RIMS1: variants seen among roughly 807,000 people sequenced by gnomAD.
RIMS1 encodes regulating synaptic membrane exocytosis protein 1.
A neutral mutation model predicts 214.1 loss-of-function variants in RIMS1; 83 were observed. The ratio of observed to expected loss-of-function variants is 0.39; its 90% CI spans 0.32 to 0.47. The LOEUF (loss-of-function observed/expected upper bound fraction) is 0.47. Among genes scored for constraint, RIMS1 ranks in the 20% least tolerant of loss-of-function variants. The pLI, the probability that RIMS1 is intolerant of heterozygous loss-of-function variation, is 0.99. For synonymous variants in RIMS1, 793 were observed against 786.8 expected (o/e 1.01, Z -0.13); for missense variants, 2,050 against 2,161.8 (o/e 0.95, Z 1.03).
chr6:71,952,121 T>C (rs1317935017), intron 1 of RIMS1, among the ~76,000 whole-genome samples: 1 of 152,140 alleles, frequency 6.6e-6, no homozygotes, highest in Non-Finnish European at 1.5e-5. Context: ...TATGTACTCT[T>C]AGGTGGAGTT....
At chr6:72,131,819 G>A (rs1049403986) in intron 4 of RIMS1, among the ~76,000 whole-genome samples, 3 of 152,122 alleles carry the variant, frequency 2.0e-5, no homozygotes, top group African/African-American at 7.2e-5. Context: ...CTACAGTCTC[G>A]ACCATAAAAG....
rs189612125 is a variant in RIMS1 at position 71,953,131 on chromosome 6, G to A, written c.165-15852G>A. Among the ~76,000 whole-genome samples the A allele has an allele frequency of 6.2e-4, 94 of 151,944 alleles. No homozygotes were observed. The South Asian group carries it at 0.01, about 16-fold the overall frequency. On this transcript the variant is annotated intron_variant, in intron 1 of 33. Coordinates refer to ENST00000521978, the MANE Select transcript of RIMS1 (RefSeq NM_014989.7). ...CCTCCCAAGGAGCTGGAATTAACAG[G>A]TGCACACCACCACACCCAGCTAATG...
chr6:72,138,714 A>G, intron 4 of RIMS1, among the ~76,000 whole-genome samples: 1 of 152,336 alleles, frequency 6.6e-6, no homozygotes, highest in Admixed American at 6.5e-5. Flanking sequence ...ACAAAAAATG[A>G]AGAAATATAT....
chr6:71,990,873 G>A (rs1801391748), intron 2 of RIMS1, among the ~76,000 whole-genome samples: 1 of 151,988 alleles, frequency 6.6e-6, no homozygotes, highest in African/African-American at 2.4e-5. Flanking sequence ...TTTGATAGTG[G>A]TATTCTCAAA....
chr6:71,889,664 G>A (rs1047062480), intron 1 of RIMS1, among the ~76,000 whole-genome samples: 5 of 151,830 alleles, frequency 3.3e-5, no homozygotes, highest in South Asian at 2.1e-4. Context: ...TTTTTATAGG[G>A]GACACTTTAT....
At chr6:72,163,557 T>C (rs915465402) in intron 4 of RIMS1, among the ~76,000 whole-genome samples, 4 of 140,650 alleles carry the variant, frequency 2.8e-5, no homozygotes, top group Non-Finnish European at 6.5e-5. Context: ...ATAAATGGGT[T>C]TTTGGTGTGG....
At chr6:72,306,511 A>G (rs2095184120) in intron 26 of RIMS1, among the ~76,000 whole-genome samples, 1 of 152,204 alleles carries the variant, frequency 6.6e-6, no homozygotes, top group African/African-American at 2.4e-5. Flanking sequence ...AGAACAATTC[A>G]TACTTTATCA....
chr6:72,222,444 G>A (rs2058774110), intron 6 of RIMS1, among the ~76,000 whole-genome samples: 1 of 152,058 alleles, frequency 6.6e-6, no homozygotes, highest in Non-Finnish European at 1.5e-5. Flanking sequence ...TATGCAAAGG[G>A]ATAAGAGTTA....
intron 6 of RIMS1, among the ~76,000 whole-genome samples, chr6:72,205,038 A>G (rs1424863949): frequency 1.3e-5 from 2 of 152,130 alleles, no homozygotes; most frequent in Non-Finnish European, 2.9e-5. Context: ...TTTCTTGTGT[A>G]ATTACAGAAA....
intron 29 of RIMS1, among the ~76,000 whole-genome samples, chr6:72,356,035 G>A (rs2097628539): frequency 6.6e-6 from 1 of 152,134 alleles, no homozygotes; most frequent in East Asian, 1.9e-4. Context: ...TAATCTGGAA[G>A]GTGATTCCAG....
At chr6:72,400,291 A>C (rs185908210) in intron 33 of RIMS1, among the ~76,000 whole-genome samples, 9 of 152,206 alleles carry the variant, frequency 5.9e-5, no homozygotes, top group African/African-American at 2.2e-4. Context: ...TCATTCCATC[A>C]GACTAAAATT....
At chr6:72,313,764 T>C in intron 28 of RIMS1, 92 bp downstream of exon 28, 1 of 1,307,912 alleles carries the variant, frequency 7.6e-7, no homozygotes, top group Non-Finnish European at 1.0e-6. Flanking sequence ...ATAATACAGT[T>C]TAGGTCACAG....
intron 1 of RIMS1, among the ~76,000 whole-genome samples, chr6:71,932,106 A>T (rs1783214142): frequency 1.3e-5 from 2 of 152,270 alleles, no homozygotes; most frequent in African/African-American, 4.8e-5. Flanking sequence ...ATACCATTTG[A>T]CTCAGCAACC....
intron 2 of RIMS1, among the ~76,000 whole-genome samples, chr6:71,980,525 G>A (rs145489230): frequency 2.6e-5 from 4 of 152,100 alleles, no homozygotes; most frequent in Admixed American, 2.6e-4. Flanking sequence ...GTGAAAGGCA[G>A]TTGAGGCCAG....
intron 2 of RIMS1, among the ~76,000 whole-genome samples, chr6:72,029,813 G>A (rs889594585): frequency 1.3e-5 from 2 of 152,130 alleles, no homozygotes; most frequent in Non-Finnish European, 2.9e-5. Flanking sequence ...TTCCAAAGAT[G>A]TAGCTAATGT....
intron 29 of RIMS1, among the ~76,000 whole-genome samples, chr6:72,367,335 T>C (rs2098069759): frequency 6.6e-6 from 1 of 152,216 alleles, no homozygotes; most frequent in Non-Finnish European, 1.5e-5. Context: ...AGTGCAAATA[T>C]ATGAGCATTT....
At chr6:72,306,108 A>T (rs1008306916) in intron 26 of RIMS1, among the ~76,000 whole-genome samples, 7 of 152,098 alleles carry the variant, frequency 4.6e-5, no homozygotes, top group African/African-American at 1.2e-4. Flanking sequence ...ATCTTTATGA[A>T]CTCCTTGTAA....
intron 6 of RIMS1, among the ~76,000 whole-genome samples, chr6:72,189,760 A>G (rs1262123763): frequency 6.6e-6 from 1 of 152,242 alleles, no homozygotes; most frequent in Non-Finnish European, 1.5e-5. Context: ...CACCATGGCC[A>G]CTGTGTTCAT....
chr6:72,403,006 G>A lies in RIMS1; in HGVS notation c.*2292G>A, dbSNP rs188402713. ...TGCATCACATACAAGTTTTCACTTC[G>A]TCAGCCTGTCTAAGTGAGCACATGA... On this transcript the variant is annotated 3_prime_UTR_variant, in exon 34 of 34. Transcript: ENST00000521978. The A allele has an allele frequency of 5.9e-5, 9 of 152,398 alleles. No individual in the cohort carries two copies. Among genetic ancestry groups the A allele is most frequent in the East Asian group, 3.9e-4 (2 of 5,184 alleles). 9.4% of individuals were successfully genotyped at this position (152,398 alleles called of 1,614,324 possible).
Sources: gnomAD v4.1 joint callset for allele counts (sites outside exome capture counted in the v4.1 genomes callset) on GRCh38, gnomAD v4.1.1 for gene constraint, MANE v1.5 for transcripts, NCBI Gene and HGNC (gene_info 2026-07-23, HGNC 2026-07-21) for gene names.